The following CHRM3 variants were observed in gnomAD, a reference collection of about 807,000 sequenced individuals.
CHRM3 encodes the protein cholinergic receptor muscarinic 3.
Under a neutral mutation model 41.8 loss-of-function variants are expected in CHRM3, and 11 were observed. That is an observed-to-expected ratio of 0.26 (90% CI 0.17 to 0.44). The LOEUF is 0.44. Among genes scored for constraint, CHRM3 ranks in the 20% least tolerant of loss-of-function variants. CHRM3 has a pLI of 1.00. For missense variants in CHRM3, 571 were observed against 745.4 expected, an observed-to-expected ratio of 0.77 and a Z score of 2.72; for synonymous variants, 297 against 301.4, an observed-to-expected ratio of 0.99 and a Z score of 0.15.
intron 2 of CHRM3, among the ~76,000 whole-genome samples, chr1:239,528,524 G>C (rs1263755780): frequency 1.3e-5 from 2 of 152,204 alleles, no homozygotes; most frequent in Non-Finnish European, 2.9e-5. Context: ...AGCGTACCTG[G>C]TAATCTTTGT....
intron 6 of CHRM3, among the ~76,000 whole-genome samples, chr1:239,874,316 T>TATATATATATATATATATATATATATAG (rs1558199339): frequency 2.9e-5 from 2 of 67,968 alleles, no homozygotes; most frequent in East Asian, 1.0e-3. Context: ...TATATATATA[T>TATATATATATATATATATATATATATAG]ATATATATAT....
intron 2 of CHRM3, among the ~76,000 whole-genome samples, chr1:239,539,337 A>G (rs1658507509): frequency 6.6e-6 from 1 of 152,196 alleles, no homozygotes. Flanking sequence ...AACTCCCCTA[A>G]GATGAAAGTC....
At chr1:239,618,688 C>G (rs1342427950) in intron 3 of CHRM3, among the ~76,000 whole-genome samples, 1 of 150,480 alleles carries the variant, frequency 6.6e-6, no homozygotes, top group Non-Finnish European at 1.5e-5. Context: ...ACTAAAAATA[C>G]AAAAAATTAG....
intron 4 of CHRM3, among the ~76,000 whole-genome samples, chr1:239,668,308 C>T (rs187960935): frequency 1.3e-5 from 2 of 151,880 alleles, no homozygotes; most frequent in East Asian, 1.9e-4. Context: ...AGCTTGGTCT[C>T]GAATTCCTGA....
At chr1:239,719,709 G>T (rs1245362261) in intron 5 of CHRM3, 2 of 151,984 alleles carry the variant, frequency 1.3e-5, no homozygotes, top group Non-Finnish European at 2.9e-5. Flanking sequence ...ATAGATAAAA[G>T]TGGGATTTTG....
chr1:239,531,249 G>A (rs142608455), intron 2 of CHRM3, among the ~76,000 whole-genome samples: 3 of 152,180 alleles, frequency 2.0e-5, no homozygotes, highest in East Asian at 3.9e-4. Context: ...CCTGATTTTA[G>A]AAATTAATAT....
intron 5 of CHRM3, among the ~76,000 whole-genome samples, chr1:239,809,865 G>A (rs1222518253): frequency 6.6e-6 from 1 of 152,096 alleles, no homozygotes; most frequent in African/African-American, 2.4e-5. Flanking sequence ...AGATGTTTGG[G>A]CCTTATGAAA....
At chr1:239,553,000 C>A (rs1660014552) in intron 3 of CHRM3, among the ~76,000 whole-genome samples, 1 of 152,020 alleles carries the variant, frequency 6.6e-6, no homozygotes, top group Non-Finnish European at 1.5e-5. Context: ...CAGCTAGTAA[C>A]TGGAGGGAGT....
At chr1:239,793,803 ATTT>A (rs67460907) in intron 5 of CHRM3, among the ~76,000 whole-genome samples, 8 of 69,490 alleles carry the variant, frequency 1.2e-4, no homozygotes, top group African/African-American at 4.3e-4. Flanking sequence ...TGAAATGTGT[ATTT>A]TTTTTTTTTT....
chr1:239,845,504 A>G (rs1426927536), intron 6 of CHRM3, among the ~76,000 whole-genome samples: 1 of 152,204 alleles, frequency 6.6e-6, no homozygotes, highest in Admixed American at 6.5e-5. Flanking sequence ...CACCATGCCC[A>G]GTTCTCTTAG....
At chr1:239,883,488 T>G (rs1302425821) in intron 6 of CHRM3, among the ~76,000 whole-genome samples, 1 of 152,190 alleles carries the variant, frequency 6.6e-6, no homozygotes, top group Non-Finnish European at 1.5e-5. Flanking sequence ...TATTACTTAT[T>G]TAGCAAACAC....
intron 1 of CHRM3, among the ~76,000 whole-genome samples, chr1:239,433,255 T>G (rs1388200449): frequency 6.6e-6 from 1 of 152,206 alleles, no homozygotes; most frequent in African/African-American, 2.4e-5. Context: ...TGCTATTGTT[T>G]ATCTGTGGTC....
At position 239,580,432 on chromosome 1, in the gene CHRM3, A is replaced by T. The variant is rs181019862; in HGVS notation, c.-313+34683A>T. Among the ~76,000 whole-genome samples, 837 of 152,048 alleles carry T rather than the reference A, an allele frequency of 5.5e-3. 5 individuals carry two copies. Among genetic ancestry groups the T allele is most frequent in the African/African-American group, 0.016 (656 of 41,512 alleles). On this transcript the variant is annotated intron_variant, in intron 3 of 6. Transcript: ENST00000676153. Reference sequence around the variant, plus strand: ...TAAAACTCTTCTCTGCTATTCACACATTTCAACTATTTATATAATCTTGTA... The same window carrying T: ...TAAAACTCTTCTCTGCTATTCACACTTTTCAACTATTTATATAATCTTGTA...
intron 6 of CHRM3, among the ~76,000 whole-genome samples, chr1:239,835,470 G>GT (rs149748169): frequency 0.099 from 14,807 of 149,580 alleles, 762 homozygotes; most frequent in Non-Finnish European, 0.13. Flanking sequence ...TGTCAAAGAG[G>GT]TTTTTTTTTT....
At chr1:239,724,459 T>A (rs573813601) in intron 5 of CHRM3, among the ~76,000 whole-genome samples, 1 of 152,070 alleles carries the variant, frequency 6.6e-6, no homozygotes, top group East Asian at 1.9e-4. Context: ...GCTTTGCCAT[T>A]TAATTGTTTG....
intron 1 of CHRM3, among the ~76,000 whole-genome samples, chr1:239,388,349 AC>A (rs1658716412): frequency 6.6e-6 from 1 of 152,166 alleles, no homozygotes; most frequent in African/African-American, 2.4e-5. Context: ...CTTTGCACAG[AC>A]TTTTCCTTTC....
At chr1:239,831,016 T>TA (rs1672854886) in intron 6 of CHRM3, among the ~76,000 whole-genome samples, 1 of 152,134 alleles carries the variant, frequency 6.6e-6, no homozygotes, top group Non-Finnish European at 1.5e-5. Flanking sequence ...AATATGGACT[T>TA]TGTATTTTAA....
intron 3 of CHRM3, among the ~76,000 whole-genome samples, chr1:239,615,610 A>G: frequency 6.6e-6 from 1 of 152,204 alleles, no homozygotes; most frequent in Admixed American, 6.5e-5. Flanking sequence ...ATACTCACAA[A>G]TAGAGGGAAA....
At chr1:239,839,953 A>T (rs1279768225) in intron 6 of CHRM3, among the ~76,000 whole-genome samples, 2 of 152,250 alleles carry the variant, frequency 1.3e-5, no homozygotes, top group Non-Finnish European at 2.9e-5. Context: ...TGCAGGCTGC[A>T]TCCAGCCCAG....
Sources: allele counts gnomAD v4.1 joint callset (sites outside exome capture counted in the v4.1 genomes callset), GRCh38; gene constraint gnomAD v4.1.1; transcripts MANE v1.5; gene names NCBI Gene and HGNC (gene_info 2026-07-23, HGNC 2026-07-21).